The following ERC2 variants were observed in gnomAD, a reference collection of about 807,000 sequenced individuals.
The protein encoded by ERC2 is ERC protein 2.
ERC2 carries 42 observed loss-of-function variants against 114.8 expected under a neutral mutation model. The ratio of observed to expected loss-of-function variants is 0.37; its 90% confidence interval spans 0.29 to 0.47. The LOEUF (loss-of-function observed/expected upper bound fraction) is 0.47. Among genes scored for constraint, ERC2 ranks in the 20% least tolerant of loss-of-function variants. ERC2 has a pLI of 0.99. For synonymous variants in ERC2, 454 were observed against 425.5 expected (o/e 1.07, Z -0.82); for missense variants, 939 against 1,150.7 (o/e 0.82, Z 2.66).
chr3:55,648,138 G>A lies in ERC2; in HGVS notation c.*39+35656C>T, dbSNP rs574713994. On this transcript the variant is annotated intron_variant, in intron 17 of 17. Coordinates refer to ENST00000288221, the MANE Select transcript of ERC2 (RefSeq NM_015576.3). ...TTCCCTTTCGTTCATTCCCTCACTC[G>A]TTCCTTCATTCATTCACTCCTTTTA... is the stretch of plus-strand genomic sequence containing the variant. Among the ~76,000 whole-genome samples, 8 of 152,272 alleles carry A rather than the reference G, an allele frequency of 5.3e-5. 1 individual carries two copies. In the East Asian group the frequency reaches 1.2e-3, roughly 22 times the overall value.
intron 17 of ERC2, among the ~76,000 whole-genome samples, chr3:55,539,958 T>G (rs2054286197): frequency 6.6e-6 from 1 of 151,136 alleles, no homozygotes; most frequent in East Asian, 1.9e-4. Context: ...CTTTTTACAG[T>G]TCTATGGAAC....
intron 13 of ERC2, among the ~76,000 whole-genome samples, chr3:55,938,291 A>G (rs945323010): frequency 1.5e-4 from 22 of 149,988 alleles, no homozygotes; most frequent in African/African-American, 4.8e-4. Flanking sequence ...AGAATTAAAA[A>G]CATTACAGAA....
At chr3:55,663,818 C>A (rs1281314373) in intron 17 of ERC2, among the ~76,000 whole-genome samples, 1 of 152,214 alleles carries the variant, frequency 6.6e-6, no homozygotes, top group Non-Finnish European at 1.5e-5. Context: ...GAGTACCACA[C>A]TGTCCCCCAG....
chr3:56,050,388 T>C (rs1380422883), intron 7 of ERC2, among the ~76,000 whole-genome samples: 18 of 152,198 alleles, frequency 1.2e-4, no homozygotes, highest in Admixed American at 1.2e-3. Flanking sequence ...AGAAACAAGC[T>C]GGTGGATTGT....
intron 14 of ERC2, among the ~76,000 whole-genome samples, chr3:55,808,853 G>A (rs1235479772): frequency 2.0e-5 from 3 of 148,932 alleles, no homozygotes; most frequent in Non-Finnish European, 4.5e-5. Context: ...GGTAAATGTG[G>A]ATCTCAACTT....
At chr3:56,322,716 C>T (rs1436531397) in intron 2 of ERC2, among the ~76,000 whole-genome samples, 2 of 152,134 alleles carry the variant, frequency 1.3e-5, no homozygotes, top group South Asian at 4.1e-4. Flanking sequence ...GAAGCCCAGG[C>T]GAAGACCAGT....
chr3:55,661,651 T>C (rs1343715951), intron 17 of ERC2, among the ~76,000 whole-genome samples: 1 of 152,230 alleles, frequency 6.6e-6, no homozygotes, highest in Non-Finnish European at 1.5e-5. Context: ...ACCTGGTTAG[T>C]GTTTGAATAA....
At chr3:55,890,952 T>A (rs1045133555) in intron 13 of ERC2, among the ~76,000 whole-genome samples, 1 of 152,200 alleles carries the variant, frequency 6.6e-6, no homozygotes, top group Admixed American at 6.5e-5. Context: ...AATCTCAGTT[T>A]CCTAGATGAT....
At chr3:55,775,448 T>C (rs2068519884) in intron 14 of ERC2, among the ~76,000 whole-genome samples, 1 of 151,732 alleles carries the variant, frequency 6.6e-6, no homozygotes, top group South Asian at 2.1e-4. Flanking sequence ...GGAAGATCAC[T>C]TGAGCCCAGG....
intron 3 of ERC2, among the ~76,000 whole-genome samples, chr3:56,268,022 T>C (rs1355264765): frequency 1.3e-5 from 2 of 152,242 alleles, no homozygotes; most frequent in Non-Finnish European, 2.9e-5. Flanking sequence ...CATGACATGT[T>C]GGATATGTTC....
chr3:56,392,943 C>G (rs1488441317), intron 2 of ERC2, among the ~76,000 whole-genome samples: 1 of 152,302 alleles, frequency 6.6e-6, no homozygotes, highest in Non-Finnish European at 1.5e-5. Flanking sequence ...CTGAAACTGC[C>G]TCCCTTCAGC....
chr3:55,772,472 G>A (rs896547281), intron 14 of ERC2, among the ~76,000 whole-genome samples: 55 of 152,114 alleles, frequency 3.6e-4, no homozygotes, highest in Admixed American at 3.3e-4. Flanking sequence ...CCGCCACCAC[G>A]CCTGGCTAAA....
At chr3:56,464,698 C>T (rs1014136559) in intron 1 of ERC2, among the ~76,000 whole-genome samples, 1 of 152,134 alleles carries the variant, frequency 6.6e-6, no homozygotes, top group Non-Finnish European at 1.5e-5. Flanking sequence ...ATGAGATCTA[C>T]ATTACCATGA....
chr3:56,113,635 T>C (rs1251424868), intron 6 of ERC2, among the ~76,000 whole-genome samples: 1 of 152,216 alleles, frequency 6.6e-6, no homozygotes, highest in Non-Finnish European at 1.5e-5. Context: ...TCTTTGCAGA[T>C]ACAAACTGGG....
At chr3:56,134,924 T>TC (rs1553845860) in intron 6 of ERC2, among the ~76,000 whole-genome samples, 1 of 149,010 alleles carries the variant, frequency 6.7e-6, no homozygotes, top group African/African-American at 2.5e-5. Flanking sequence ...TTTTTTGTTT[T>TC]TTTTTGTTTT....
intron 2 of ERC2, among the ~76,000 whole-genome samples, chr3:56,367,755 C>A (rs2059204596): frequency 6.6e-6 from 1 of 151,874 alleles, no homozygotes; most frequent in African/African-American, 2.4e-5. Context: ...GAATCTAAAT[C>A]CTGAATAGCA....
At chr3:55,876,211 C>T (rs2062831412) in intron 14 of ERC2, among the ~76,000 whole-genome samples, 1 of 152,160 alleles carries the variant, frequency 6.6e-6, no homozygotes, top group African/African-American at 2.4e-5. Flanking sequence ...GGACATAGAT[C>T]TTGAGGTTTA....
chr3:55,900,564 C>T (rs1269902888), intron 13 of ERC2, among the ~76,000 whole-genome samples: 2 of 152,280 alleles, frequency 1.3e-5, no homozygotes, highest in South Asian at 2.1e-4. Flanking sequence ...CTGGAAGAGA[C>T]ACCTATTGAT....
At chr3:56,213,327 C>T (rs1356207992) in intron 3 of ERC2, among the ~76,000 whole-genome samples, 1 of 152,168 alleles carries the variant, frequency 6.6e-6, no homozygotes, top group Non-Finnish European at 1.5e-5. Context: ...TAATACTGTG[C>T]TTTTCCTATG....
Sources: gnomAD v4.1 joint callset for allele counts (sites outside exome capture counted in the v4.1 genomes callset) on GRCh38, gnomAD v4.1.1 for gene constraint, MANE v1.5 for transcripts, NCBI Gene and HGNC (gene_info 2026-07-23, HGNC 2026-07-21) for gene names.